The following NALF1 variants were observed in gnomAD, a reference collection of about 807,000 sequenced individuals.
NALF1 encodes family with sequence similarity 155 member A.
Under a neutral mutation model 48.4 loss-of-function variants are expected in NALF1, and 3 were observed. The observed-to-expected ratio is 0.06, with a 90% confidence interval of 0.03 to 0.16. The LOEUF is 0.16. NALF1 is among the 10% of genes least tolerant of loss of function. The probability of loss-of-function intolerance (pLI) is 1.00; values close to 1 mark genes in which losing one functional copy is unlikely to be tolerated. For missense variants in NALF1, 526 were observed against 571.5 expected, an observed-to-expected ratio of 0.92 and a Z score of 0.81; for synonymous variants, 262 against 245.7, an observed-to-expected ratio of 1.07 and a Z score of -0.62.
At chr13:107,833,315 A>C (rs1879796740) in intron 1 of NALF1, among the ~76,000 whole-genome samples, 1 of 152,200 alleles carries the variant, frequency 6.6e-6, no homozygotes, top group Non-Finnish European at 1.5e-5. Context: ...TTGAATACAC[A>C]TATGAATACT....
chr13:107,358,381 T>C (rs1883000942), intron 1 of NALF1, among the ~76,000 whole-genome samples: 1 of 152,190 alleles, frequency 6.6e-6, no homozygotes, highest in Non-Finnish European at 1.5e-5. Context: ...TGAGCTTCAG[T>C]GGGATCCAGG....
At chr13:107,255,191 C>T (rs1295508074) in intron 1 of NALF1, among the ~76,000 whole-genome samples, 1 of 152,184 alleles carries the variant, frequency 6.6e-6, no homozygotes, top group African/African-American at 2.4e-5. Flanking sequence ...TGCATATCCT[C>T]AGCCTGAGTG....
chr13:107,332,780 C>T (rs941637352), intron 1 of NALF1, among the ~76,000 whole-genome samples: 3 of 152,152 alleles, frequency 2.0e-5, no homozygotes, highest in Non-Finnish European at 4.4e-5. Context: ...TAAGGTCCCA[C>T]GAACCTTTGT....
At chr13:107,783,169 C>T (rs1158835655) in intron 1 of NALF1, among the ~76,000 whole-genome samples, 4 of 136,356 alleles carry the variant, frequency 2.9e-5, no homozygotes, top group Non-Finnish European at 4.8e-5. Context: ...GCCCGGCCAG[C>T]CGCCCCGTCC....
At chr13:107,431,906 G>C (rs1446382005) in intron 1 of NALF1, among the ~76,000 whole-genome samples, 2 of 152,204 alleles carry the variant, frequency 1.3e-5, no homozygotes, top group Admixed American at 6.5e-5. Context: ...GCTAAAATTA[G>C]TTTTGATGTC....
chr13:107,221,276 T>C lies in NALF1; in HGVS notation c.916-10521A>G, dbSNP rs1054448547. Among the ~76,000 whole-genome samples, 9 of 151,744 alleles carry C rather than the reference T, an allele frequency of 5.9e-5. No individual in the cohort carries two copies. The East Asian group carries it at 9.8e-4, about 16-fold the overall frequency. ...AAAACCACTTGCACCACTAAAGCTA[T>C]TGAAATTTAAAAAATTCAAGGCCAG... On this transcript the variant is annotated intron_variant, in intron 1 of 2. Transcript: ENST00000375915.
chr13:107,629,883 A>G (rs1351325222), intron 1 of NALF1, among the ~76,000 whole-genome samples: 1 of 152,150 alleles, frequency 6.6e-6, no homozygotes, highest in Non-Finnish European at 1.5e-5. Context: ...AACTCACATT[A>G]TCACTTTCTG....
rs114405400 is a variant in NALF1 at position 107,502,996 on chromosome 13, C to T, written c.916-292241G>A. Among the ~76,000 whole-genome samples the T allele has an allele frequency of 4.8e-3, 738 of 152,268 alleles. 7 individuals carry two copies. Among genetic ancestry groups the T allele is most frequent in the African/African-American group, 0.017 (706 of 41,558 alleles). On this transcript the variant is annotated intron_variant, in intron 1 of 2. Coordinates refer to ENST00000375915, the MANE Select transcript of NALF1 (RefSeq NM_001080396.3). ...TTAGTTAACTTCAGCTTTGAGAGCACTCTTGCAGGCTCAGAGCCCACAGGC... is the reference window on the plus strand; with the variant it reads ...TTAGTTAACTTCAGCTTTGAGAGCATTCTTGCAGGCTCAGAGCCCACAGGC...
chr13:107,845,290 A>T (rs561903314), intron 1 of NALF1, among the ~76,000 whole-genome samples: 1 of 152,302 alleles, frequency 6.6e-6, no homozygotes, highest in South Asian at 2.1e-4. Context: ...TAAGCTTGAA[A>T]TCCTTTTCCA....
At chr13:107,636,843 T>G (rs908835619) in intron 1 of NALF1, among the ~76,000 whole-genome samples, 45 of 150,250 alleles carry the variant, frequency 3.0e-4, no homozygotes, top group Non-Finnish European at 4.1e-4. Flanking sequence ...ATCCATTGAT[T>G]TAATTTTGTT....
chr13:107,195,368 T>C (rs1224058203), intron 2 of NALF1, among the ~76,000 whole-genome samples: 1 of 152,234 alleles, frequency 6.6e-6, no homozygotes, highest in Non-Finnish European at 1.5e-5. Context: ...ACATTTGTAA[T>C]GGCGGTAACA....
chr13:107,431,962 A>G (rs1884389324), intron 1 of NALF1, among the ~76,000 whole-genome samples: 1 of 152,102 alleles, frequency 6.6e-6, no homozygotes, highest in Admixed American at 6.6e-5. Flanking sequence ...TTTTATCAAT[A>G]TATTTTCTGT....
intron 1 of NALF1, among the ~76,000 whole-genome samples, chr13:107,768,426 A>C (rs1245954635): frequency 6.6e-6 from 1 of 152,210 alleles, no homozygotes. Flanking sequence ...AAATATTCTA[A>C]TACGATGGGA....
intron 2 of NALF1, among the ~76,000 whole-genome samples, chr13:107,209,129 G>T (rs113654243): frequency 3.9e-5 from 6 of 152,312 alleles, no homozygotes; most frequent in African/African-American, 1.4e-4. Context: ...GCCTCTGAGA[G>T]AATGTACAAT....
At chr13:107,765,442 TA>T (rs1566473409) in intron 1 of NALF1, among the ~76,000 whole-genome samples, 1 of 152,204 alleles carries the variant, frequency 6.6e-6, no homozygotes, top group Non-Finnish European at 1.5e-5. Context: ...TAGAGTTATA[TA>T]AGTAACAGCA....
intron 1 of NALF1, among the ~76,000 whole-genome samples, chr13:107,276,216 C>T (rs950229614): frequency 4.6e-5 from 7 of 152,154 alleles, no homozygotes; most frequent in Admixed American, 3.9e-4. Context: ...AGGCAGGAAT[C>T]GTGAGGGAGC....
intron 1 of NALF1, among the ~76,000 whole-genome samples, chr13:107,865,062 T>A (rs912208438): frequency 2.0e-5 from 3 of 152,214 alleles, no homozygotes; most frequent in Admixed American, 2.0e-4. Flanking sequence ...CCCAGATCAA[T>A]AATTATACAA....
At chr13:107,339,120 G>GGCTTCT (rs1439526887) in intron 1 of NALF1, among the ~76,000 whole-genome samples, 154 of 134,524 alleles carry the variant, frequency 1.1e-3, no homozygotes, top group Non-Finnish European at 1.7e-3. Context: ...GGCGACAGAG[G>GGCTTCT]GAGACTCTGT....
rs529348682 is a variant in NALF1, at chr13:107,274,686, G to A, written c.916-63931C>T. Among the ~76,000 whole-genome samples, 14 of 152,314 alleles carry A rather than the reference G, an allele frequency of 9.2e-5. No homozygotes were observed. In the East Asian group the frequency reaches 2.7e-3, roughly 29 times the overall value. On this transcript the variant is annotated intron_variant, in intron 1 of 2. Transcript: ENST00000375915. ...AAGTATTTTTCTGCCCTTTCTTTGG[G>A]TTATGGAAAGCAACAAAAGTTTTTA...
Sources: allele counts gnomAD v4.1 joint callset (sites outside exome capture counted in the v4.1 genomes callset), GRCh38; gene constraint gnomAD v4.1.1; transcripts MANE v1.5; gene names NCBI Gene and HGNC (gene_info 2026-07-23, HGNC 2026-07-21).